The following TNFRSF6B variants were observed in gnomAD, a reference collection of about 807,000 sequenced individuals.
TNFRSF6B encodes the protein TNF receptor superfamily member 6b, also known as tumor necrosis factor receptor superfamily member 6B.
TNFRSF6B carries 23 observed loss-of-function variants against 17.9 expected under a neutral mutation model. The ratio of observed to expected loss-of-function variants is 1.28; its 90% CI spans 0.92 to 1.82. The LOEUF (loss-of-function observed/expected upper bound fraction) is 1.82, where lower values mean the gene tolerates loss of function less well. TNFRSF6B is among the 40% of genes most tolerant of loss of function. The probability of loss-of-function intolerance (pLI) is 0.00; values close to 1 mark genes in which losing one functional copy is unlikely to be tolerated. For synonymous variants in TNFRSF6B, 291 were observed against 195.8 expected, an observed-to-expected ratio of 1.49 and a Z score of -4.06; for missense variants, 555 against 437.2, an observed-to-expected ratio of 1.27 and a Z score of -2.40.
At position 63,696,897 on chromosome 20, in the gene TNFRSF6B, G is replaced by C. The variant is rs1251326230; in HGVS notation, c.130G>C (p.Gly44Arg). Residue 44 changes from glycine (G) to arginine (R), a missense_variant, in exon 1 of 3, where the codon GGG becomes CGG. By Grantham distance (125) the Gly-to-Arg change is moderately radical. Transcript: ENST00000369996. ...PTYPWRDAET[G>R]ERLVCAQCPP... ...CTACCCCTGGCGGGACGCAGAGACA[G>C]GGGAGCGGCTGGTGTGCGCCCAGTG... 2 of 1,609,620 alleles carry C rather than the reference G, an allele frequency of 1.2e-6. No individual in the cohort carries two copies. The highest frequency in any genetic ancestry group is 2.2e-5 in the South Asian group (2 of 90,904).
Position 63,698,561 on chromosome 20 carries a change from T to A in TNFRSF6B, c.901T>A (p.Ter301ArgextTer17). ...SVRERFLPVH[*>R] ...CCGTGAGCGCTTCCTCCCTGTGCAC[T>A]GATCCTGGCCCCCTCTTATTTATTC... Residue 301 changes from the stop codon to arginine (R), a stop_lost, in exon 3 of 3, where the codon TGA (stop) becomes AGA (arginine). Coordinates refer to ENST00000369996, the MANE Select transcript of TNFRSF6B (RefSeq NM_003823.4). 16 of 1,500,286 alleles carry A rather than the reference T, an allele frequency of 1.1e-5. No individual in the cohort carries two copies. The highest frequency in any genetic ancestry group is 1.4e-5 in the Non-Finnish European group (16 of 1,132,162). The allele number at this position is 1,500,286 out of a possible 1,614,324, so 92.9% of individuals were successfully genotyped here. A position where few individuals can be genotyped will look rare whatever the true frequency, so the allele number is the denominator to read the frequency against.
In TNFRSF6B at chr20:63,698,364, C is replaced by G. The variant is rs752376808; in HGVS notation, c.704C>G (p.Ala235Gly). The part of the protein sequence containing the change: ...SIKRLQRLLQ[A>G]LEAPEGWGPT... Reference sequence around the variant, plus strand: ...AAGAGGCTGCAGCGGCTGCTGCAGGCCCTCGAGGCCCCGGAGGGCTGGGGT... The same window carrying G: ...AAGAGGCTGCAGCGGCTGCTGCAGGGCCTCGAGGCCCCGGAGGGCTGGGGT... The change falls in exon 3 of 3, where the codon GCC (alanine) becomes GGC (glycine). Residue 235 changes from alanine to glycine, a missense_variant. Coordinates refer to ENST00000369996, the MANE Select transcript of TNFRSF6B (RefSeq NM_003823.4). The G allele has an allele frequency of 3.7e-6, 6 of 1,609,674 alleles. No individual in the cohort carries two copies. In the African/African-American group the frequency reaches 6.7e-5, roughly 18 times the overall value.
At position 63,696,743 on chromosome 20, in the gene TNFRSF6B, C is replaced by G; in HGVS notation, c.-25C>G. The G allele has an allele frequency of 2.0e-6, 3 of 1,534,740 alleles. No individual in the cohort carries two copies. The highest frequency in any genetic ancestry group is 1.8e-6 in the Non-Finnish European group (2 of 1,140,666). On this transcript the variant is annotated 5_prime_UTR_variant, in exon 1 of 3. Coordinates refer to ENST00000369996, the MANE Select transcript of TNFRSF6B (RefSeq NM_003823.4). ...AGGGTCCTGTGTCCGCGCTGAGCCG[C>G]GCTCTCCCTGCTCCAGCAAGGACCA...
In TNFRSF6B at chr20:63,696,868, C is replaced by T. The variant is rs768009041; in HGVS notation, c.101C>T (p.Pro34Leu). The T allele has an allele frequency of 2.5e-6, 4 of 1,611,758 alleles. No individual in the cohort carries two copies. The highest frequency in any genetic ancestry group is 3.4e-6 in the Non-Finnish European group (4 of 1,179,528). The change falls in exon 1 of 3, where the codon CCC (proline) becomes CTC (leucine). Residue 34 changes from proline (P) to leucine (L), a missense_variant. Pro to Leu is a moderately conservative substitution (Grantham distance 98). Transcript: ENST00000369996. ...VPAVRGVAET[P>L]TYPWRDAETG... is the part of the protein sequence containing the mutation. Reference sequence around the variant, plus strand: ...GCTGTACGCGGAGTGGCAGAAACACCCACCTACCCCTGGCGGGACGCAGAG... The same window carrying T: ...GCTGTACGCGGAGTGGCAGAAACACTCACCTACCCCTGGCGGGACGCAGAG...
In TNFRSF6B at chr20:63,696,927, C is replaced by T. The variant is rs1568729901; in HGVS notation, c.160C>T (p.Pro54Ser). Residue 54 changes from proline to serine, a missense_variant, in exon 1 of 3, where the codon CCA (proline) becomes TCA (serine). Physicochemically the swap from Pro to Ser is moderately conservative, Grantham distance 74. Coordinates refer to ENST00000369996, the MANE Select transcript of TNFRSF6B (RefSeq NM_003823.4). ...GERLVCAQCP[P>S]GTFVQRPCRR... ...GCGGCTGGTGTGCGCCCAGTGCCCC[C>T]CAGGCACCTTTGTGCAGCGGCCGTG... The T allele has an allele frequency of 6.2e-7, 1 of 1,610,450 alleles. No homozygotes were observed. The highest frequency in any genetic ancestry group is 8.5e-7 in the Non-Finnish European group (1 of 1,179,086).
intron 2 of TNFRSF6B, among the ~76,000 whole-genome samples, chr20:63,698,046 G>A (rs1322275631): frequency 1.3e-5 from 2 of 152,078 alleles, no homozygotes; most frequent in Non-Finnish European, 2.9e-5. Flanking sequence ...TTGCAGCCAA[G>A]GTCCGAGTGG....
Position 63,698,214 on chromosome 20 carries a change from C to T in TNFRSF6B, c.620-66C>T, listed in dbSNP as rs1020665536. ...CGAGTGGGGCCCAGAAAGCAGGGTACCTGGCAGCCCCCGCCAGTGTGTGTG... is the reference window on the plus strand; with the variant it reads ...CGAGTGGGGCCCAGAAAGCAGGGTATCTGGCAGCCCCCGCCAGTGTGTGTG... On this transcript the variant is annotated intron_variant, in intron 2 of 2. Transcript: ENST00000369996. The T allele has an allele frequency of 5.7e-6, 9 of 1,574,350 alleles. No homozygotes were observed. The African/African-American group carries it at 8.3e-5, about 15-fold the overall frequency.
chr20:63,696,818 G>A lies in TNFRSF6B; in HGVS notation c.51G>A (p.Ala17=), dbSNP rs765501468. Residue 17 remains alanine, a synonymous_variant, in exon 1 of 3, where the codon GCG becomes GCA. Coordinates refer to ENST00000369996, the MANE Select transcript of TNFRSF6B (RefSeq NM_003823.4). The part of the protein sequence containing the change: ...PGLSLLCLVL[A]LPALLPVPAV... Reference sequence around the variant, plus strand: ...TGTCGCTGCTGTGCCTGGTGTTGGCGCTGCCTGCCCTGCTGCCGGTGCCGG... The same window carrying A: ...TGTCGCTGCTGTGCCTGGTGTTGGCACTGCCTGCCCTGCTGCCGGTGCCGG... The A allele has an allele frequency of 7.5e-6, 12 of 1,608,960 alleles. No homozygotes were observed. Among genetic ancestry groups the A allele is most frequent in the East Asian group, 2.2e-5 (1 of 44,804 alleles).
At position 63,696,809 on chromosome 20, in the gene TNFRSF6B, G is replaced by A. The variant is rs771737847; in HGVS notation, c.42G>A (p.Leu14=). The change falls in exon 1 of 3, where the codon CTG becomes CTA. Residue 14 remains leucine, a synonymous_variant. Transcript: ENST00000369996. ...LEGPGLSLLC[L]VLALPALLPV... Reference sequence around the variant, plus strand: ...GGCCAGGCCTGTCGCTGCTGTGCCTGGTGTTGGCGCTGCCTGCCCTGCTGC... The same window carrying A: ...GGCCAGGCCTGTCGCTGCTGTGCCTAGTGTTGGCGCTGCCTGCCCTGCTGC... 3.1e-6 allele frequency: 5 copies of A among 1,608,382 alleles called. No individual in the cohort carries two copies. The highest frequency in any genetic ancestry group is 4.2e-6 in the Non-Finnish European group (5 of 1,177,868).
rs767622466 is a variant in TNFRSF6B at position 63,697,137 on chromosome 20, G to C, written c.370G>C (p.Gly124Arg). The change falls in exon 1 of 3, where the codon GGT becomes CGT. Residue 124 changes from glycine (G) to arginine (R), a missense_variant. Gly to Arg is a moderately radical substitution (Grantham distance 125). Transcript: ENST00000369996. ...CCGCACCGGCTTCTTCGCGCACGCT[G>C]GTTTCTGCTTGGAGCACGCATCGTG... ...RCRTGFFAHA[G>R]FCLEHASCPP... 1 of 1,586,872 alleles carries C rather than the reference G, an allele frequency of 6.3e-7. No individual in the cohort carries two copies. Among genetic ancestry groups the C allele is most frequent in the Non-Finnish European group, 8.6e-7 (1 of 1,169,106 alleles).
Position 63,696,887 on chromosome 20 carries a change from C to T in TNFRSF6B, c.120C>T (p.Asp40=), listed in dbSNP as rs745329328. 1.4e-5 allele frequency: 22 copies of T among 1,611,712 alleles called. No individual in the cohort carries two copies. Among genetic ancestry groups the T allele is most frequent in the Middle Eastern group, 1.6e-4 (1 of 6,076 alleles). ...VAETPTYPWR[D]AETGERLVCA... ...AAACACCCACCTACCCCTGGCGGGA[C>T]GCAGAGACAGGGGAGCGGCTGGTGT... is the stretch of plus-strand genomic sequence containing the variant. The change falls in exon 1 of 3, where the codon GAC becomes GAT. Residue 40 remains aspartate (D), a synonymous_variant. Coordinates refer to ENST00000369996, the MANE Select transcript of TNFRSF6B (RefSeq NM_003823.4).
chr20:63,697,933 T>C (rs1310226016), intron 2 of TNFRSF6B, among the ~76,000 whole-genome samples: 2 of 152,156 alleles, frequency 1.3e-5, no homozygotes, highest in Non-Finnish European at 2.9e-5. Context: ...CAGGGGGAAG[T>C]GACCCCCTTA....
Position 63,697,509 on chromosome 20 carries a change from C to T in TNFRSF6B, c.606C>T (p.Ser202=). ...LCTSCTGFPL[S]TRVPGAEECE... ...CCAGCTGCACTGGCTTCCCCCTCAGCACCAGGGTACCAGGTGAGCCAGAGG... is the reference window on the plus strand; with the variant it reads ...CCAGCTGCACTGGCTTCCCCCTCAGTACCAGGGTACCAGGTGAGCCAGAGG... Residue 202 remains serine (S), a synonymous_variant, in exon 2 of 3, where the codon AGC becomes AGT. Coordinates refer to ENST00000369996, the MANE Select transcript of TNFRSF6B (RefSeq NM_003823.4). 6.5e-7 allele frequency: 1 copy of T among 1,549,832 alleles called. No individual in the cohort carries two copies.
Position 63,698,414 on chromosome 20 carries a change from G to A in TNFRSF6B, c.754G>A (p.Ala252Thr), listed in dbSNP as rs748740001. The change falls in exon 3 of 3, where the codon GCC becomes ACC. Residue 252 changes from alanine (A) to threonine (T), a missense_variant. Transcript: ENST00000369996. ...TCCGACACCAAGGGCGGGCCGCGCG[G>A]CCTTGCAGCTGAAGCTGCGTCGGCG... Reference protein sequence around the residue: ...WGPTPRAGRAALQLKLRRRLT... With the variant: ...WGPTPRAGRATLQLKLRRRLT... The A allele has an allele frequency of 2.5e-6, 4 of 1,590,120 alleles. No individual in the cohort carries two copies. The Admixed American group carries it at 5.5e-5, about 22-fold the overall frequency.
At position 63,697,186 on chromosome 20, in the gene TNFRSF6B, C is replaced by T. The variant is rs1173583118; in HGVS notation, c.419C>T (p.Ala140Val). The change falls in exon 1 of 3, where the codon GCC becomes GTC. Residue 140 changes from alanine to valine, a missense_variant. Transcript: ENST00000369996. ...ASCPPGAGVI[A>V]PGTPSQNTQC... ...TGTCCACCTGGTGCCGGCGTGATTG[C>T]CCCGGGTGAGAGCTGGGCGAGGGGA... 2.6e-6 allele frequency: 4 copies of T among 1,559,046 alleles called. No homozygotes were observed. The highest frequency in any genetic ancestry group is 1.4e-5 in the African/African-American group (1 of 73,656).
intron 2 of TNFRSF6B, 44 bp downstream of exon 2, chr20:63,697,566 C>A: frequency 6.7e-7 from 1 of 1,490,356 alleles, no homozygotes; most frequent in South Asian, 1.3e-5. Context: ...AGGCCAGGCC[C>A]ACTTGTGCCC....
At position 63,697,215 on chromosome 20, in the gene TNFRSF6B, G is replaced by GC. The variant is rs1364416894; in HGVS notation, c.424+29dup. The GC allele has an allele frequency of 8.4e-6, 13 of 1,551,106 alleles. No individual in the cohort carries two copies. The Middle Eastern group carries it at 5.3e-4, about 63-fold the overall frequency. On this transcript the variant is annotated intron_variant, in intron 1 of 2. Transcript: ENST00000369996. Reference sequence around the variant, plus strand: ...GGGTGAGAGCTGGGCGAGGGGAGGGGCCCCCAGGAGTGGTGGCCGGAGGTG... The same window carrying GC: ...GGGTGAGAGCTGGGCGAGGGGAGGGGCCCCCCAGGAGTGGTGGCCGGAGGTG...
At position 63,698,592 on chromosome 20, in the gene TNFRSF6B, C is replaced by T. The variant is rs777730879; in HGVS notation, c.*29C>T. On this transcript the variant is annotated 3_prime_UTR_variant, in exon 3 of 3. Coordinates refer to ENST00000369996, the MANE Select transcript of TNFRSF6B (RefSeq NM_003823.4). Reference sequence around the variant, plus strand: ...TGGCCCCCTCTTATTTATTCTACATCCTTGGCACCCCACTTGCACTGAAAG... The same window carrying T: ...TGGCCCCCTCTTATTTATTCTACATTCTTGGCACCCCACTTGCACTGAAAG... The T allele has an allele frequency of 8.2e-6, 12 of 1,461,032 alleles. No individual in the cohort carries two copies. The highest frequency in any genetic ancestry group is 5.3e-5 in the East Asian group (2 of 37,466). 90.5% of individuals were successfully genotyped at this position (1,461,032 alleles called of 1,614,324 possible). A position where few individuals can be genotyped will look rare whatever the true frequency, so the allele number is the denominator to read the frequency against.
Position 63,697,548 on chromosome 20 carries a change from C to T in TNFRSF6B, c.619+26C>T, listed in dbSNP as rs1422481279. 5 of 1,525,568 alleles carry T rather than the reference C, an allele frequency of 3.3e-6. 1 individual carries two copies. The highest frequency in any genetic ancestry group is 3.5e-4 in the Middle Eastern group (2 of 5,696). The allele number at this position is 1,525,568 out of a possible 1,614,324, so 94.5% of individuals were successfully genotyped here. On this transcript the variant is annotated intron_variant, in intron 2 of 2. Coordinates refer to ENST00000369996, the MANE Select transcript of TNFRSF6B (RefSeq NM_003823.4). ...GTGAGCCAGAGGCCTGAGGGGGCAG[C>T]ACACTGCAGGCCAGGCCCACTTGTG...
Sources: allele counts gnomAD v4.1 joint callset (sites outside exome capture counted in the v4.1 genomes callset), GRCh38; gene constraint gnomAD v4.1.1; transcripts MANE v1.5; gene names NCBI Gene and HGNC (gene_info 2026-07-23, HGNC 2026-07-21).